Variants in RAB31 observed in about 807,000 individuals in gnomAD.
The protein encoded by RAB31 is ras-related protein Rab-31.
Under a neutral mutation model 25.6 loss-of-function variants are expected in RAB31, and 21 were observed. The ratio of observed to expected loss-of-function variants is 0.82; its 90% CI spans 0.58 to 1.18. The LOEUF (loss-of-function observed/expected upper bound fraction) is 1.18. Ranked by LOEUF, RAB31 falls within the 50% of genes most tolerant of loss-of-function variation. The pLI is 0.00. For synonymous variants in RAB31, 87 were observed against 84.0 expected (o/e 1.04, Z -0.20); for missense variants, 196 against 250.1 (o/e 0.78, Z 1.46).
chr18:9,741,593 G>A (rs2068179527), intron 1 of RAB31, among the ~76,000 whole-genome samples: 1 of 152,028 alleles, frequency 6.6e-6, no homozygotes. Context: ...GGAGGAAGGG[G>A]CCAGCAGGAC....
At chr18:9,754,954 G>T (rs1471174174) in intron 1 of RAB31, among the ~76,000 whole-genome samples, 21 of 152,200 alleles carry the variant, frequency 1.4e-4, no homozygotes. Flanking sequence ...TGCAAGCCCA[G>T]ATGGTGTTTG....
chr18:9,831,753 C>G (rs1240264367), intron 5 of RAB31, among the ~76,000 whole-genome samples: 1 of 152,198 alleles, frequency 6.6e-6, no homozygotes, highest in Non-Finnish European at 1.5e-5. Flanking sequence ...TAAGTAATGT[C>G]ACTTTCTACT....
intron 6 of RAB31, chr18:9,856,109 T>C (rs2068814519): frequency 1.3e-5 from 2 of 152,186 alleles, no homozygotes; most frequent in South Asian, 4.1e-4. Context: ...GTCTGAGAAA[T>C]ATTTTACTCT....
chr18:9,762,116 C>T (rs998090928), intron 1 of RAB31, among the ~76,000 whole-genome samples: 10 of 152,116 alleles, frequency 6.6e-5, no homozygotes, highest in Non-Finnish European at 1.3e-4. Flanking sequence ...CCACCAGTAC[C>T]TTTTATAACC....
chr18:9,744,505 C>G (rs906149741), intron 1 of RAB31, among the ~76,000 whole-genome samples: 2 of 152,112 alleles, frequency 1.3e-5, no homozygotes, highest in Non-Finnish European at 2.9e-5. Flanking sequence ...CATTTTGTAT[C>G]TGTATGAGAG....
intron 1 of RAB31, among the ~76,000 whole-genome samples, chr18:9,736,353 CTGCTGA>C (rs2068151225): frequency 6.6e-6 from 1 of 152,200 alleles, no homozygotes; most frequent in Non-Finnish European, 1.5e-5. Flanking sequence ...CCCACTTTTG[CTGCTGA>C]TCTTATTCCC....
intron 1 of RAB31, among the ~76,000 whole-genome samples, chr18:9,763,241 G>A (rs562596763): frequency 2.6e-5 from 4 of 152,052 alleles, no homozygotes; most frequent in East Asian, 1.9e-4. Context: ...TTAAACTTAC[G>A]CTAAGGCCTA....
chr18:9,798,528 T>C (rs1367527270), intron 3 of RAB31, among the ~76,000 whole-genome samples: 1 of 152,216 alleles, frequency 6.6e-6, no homozygotes, highest in African/African-American at 2.4e-5. Context: ...ATGTTATTGT[T>C]CTTTTAGTTT....
chr18:9,806,954 T>C (rs2068544757), intron 3 of RAB31, among the ~76,000 whole-genome samples: 1 of 152,232 alleles, frequency 6.6e-6, no homozygotes, highest in Non-Finnish European at 1.5e-5. Context: ...ATAAATATCA[T>C]AATCCAGCAC....
At chr18:9,747,550 C>A (rs1206659666) in intron 1 of RAB31, among the ~76,000 whole-genome samples, 1 of 152,184 alleles carries the variant, frequency 6.6e-6, no homozygotes, top group Non-Finnish European at 1.5e-5. Context: ...ACTACCGACA[C>A]ATGGTACAAT....
At chr18:9,803,692 G>A (rs1421316430) in intron 3 of RAB31, among the ~76,000 whole-genome samples, 6 of 152,188 alleles carry the variant, frequency 3.9e-5, no homozygotes, top group African/African-American at 7.2e-5. Context: ...CCTTCATTAA[G>A]CACTTTACAG....
At chr18:9,756,293 T>C (rs1395900526) in intron 1 of RAB31, among the ~76,000 whole-genome samples, 5 of 152,264 alleles carry the variant, frequency 3.3e-5, no homozygotes, top group Admixed American at 2.6e-4. Flanking sequence ...AAAACCATTA[T>C]TATTTAACTA....
intron 5 of RAB31, among the ~76,000 whole-genome samples, chr18:9,841,538 C>CAA (rs56283904): frequency 0.42 from 42,329 of 100,372 alleles, 9,306 homozygotes; most frequent in South Asian, 0.59. Context: ...GACTCTGTCT[C>CAA]AAAAAAAAAA....
chr18:9,738,995 C>A (rs1174138743), intron 1 of RAB31, among the ~76,000 whole-genome samples: 1 of 152,134 alleles, frequency 6.6e-6, no homozygotes, highest in East Asian at 1.9e-4. Context: ...TACATTTGGT[C>A]ACAGAAGCAT....
At chr18:9,743,971 G>T (rs755546055) in intron 1 of RAB31, among the ~76,000 whole-genome samples, 5 of 152,224 alleles carry the variant, frequency 3.3e-5, no homozygotes, top group Non-Finnish European at 5.9e-5. Flanking sequence ...ATATGACCCT[G>T]TAGGCGCAGT....
chr18:9,784,679 C>T (rs890355721), intron 2 of RAB31, among the ~76,000 whole-genome samples: 1 of 151,368 alleles, frequency 6.6e-6, no homozygotes, highest in Non-Finnish European at 1.5e-5. Context: ...CAGTCCCCGA[C>T]GTAGCTGGGA....
chr18:9,833,019 C>T (rs181991626), intron 5 of RAB31, among the ~76,000 whole-genome samples: 28 of 152,226 alleles, frequency 1.8e-4, no homozygotes. Context: ...CGCCTACTGC[C>T]TGGACCTCGA....
At chr18:9,756,117 G>A (rs1302627774) in intron 1 of RAB31, among the ~76,000 whole-genome samples, 1 of 152,224 alleles carries the variant, frequency 6.6e-6, no homozygotes, top group Non-Finnish European at 1.5e-5. Context: ...GGTCATGTGA[G>A]CATGGTAGTT....
intron 1 of RAB31, among the ~76,000 whole-genome samples, chr18:9,774,278 C>G (rs1417447350): frequency 1.3e-5 from 2 of 152,124 alleles, no homozygotes; most frequent in East Asian, 1.9e-4. Flanking sequence ...CACCTGGCCC[C>G]TCCCTTACCT....
Sources: gnomAD v4.1 joint callset for allele counts (sites outside exome capture counted in the v4.1 genomes callset) on GRCh38, gnomAD v4.1.1 for gene constraint, MANE v1.5 for transcripts, NCBI Gene and HGNC (gene_info 2026-07-23, HGNC 2026-07-21) for gene names.